Variants in CDC42BPA observed in about 807,000 individuals in gnomAD.
The protein encoded by CDC42BPA is CDC42 binding protein kinase alpha, also known as serine/threonine-protein kinase MRCK alpha.
Under a neutral mutation model 223.5 loss-of-function variants are expected in CDC42BPA, and 80 were observed. The observed-to-expected ratio is 0.36, with a 90% confidence interval of 0.30 to 0.43. CDC42BPA has a LOEUF of 0.43. Among genes scored for constraint, CDC42BPA ranks in the 20% least tolerant of loss-of-function variants. The pLI is 1.00. For synonymous variants in CDC42BPA, 694 were observed against 718.6 expected (o/e 0.97, Z 0.55); for missense variants, 1,743 against 2,099.9 (o/e 0.83, Z 3.32).
chr1:227,067,809 T>C (rs559060124), intron 21 of CDC42BPA, among the ~76,000 whole-genome samples: 3 of 152,206 alleles, frequency 2.0e-5, no homozygotes, highest in African/African-American at 7.2e-5. Context: ...ACAGAAAGAA[T>C]AAAACATTAA....
intron 5 of CDC42BPA, among the ~76,000 whole-genome samples, chr1:227,180,765 A>G (rs1667796235): frequency 6.6e-6 from 1 of 152,254 alleles, no homozygotes; most frequent in South Asian, 2.1e-4. Context: ...CGAACATAAC[A>G]TTCTAATCAG....
intron 21 of CDC42BPA, among the ~76,000 whole-genome samples, chr1:227,058,695 G>A (rs940969110): frequency 1.3e-5 from 2 of 152,016 alleles, no homozygotes; most frequent in Non-Finnish European, 2.9e-5. Context: ...ATTTCAAGTT[G>A]AGAAACACAG....
chr1:227,174,501 A>G (rs1448409970), intron 5 of CDC42BPA, among the ~76,000 whole-genome samples: 1 of 152,202 alleles, frequency 6.6e-6, no homozygotes, highest in East Asian at 1.9e-4. Flanking sequence ...ATAACAGATG[A>G]AAAACTCTCT....
intron 17 of CDC42BPA, among the ~76,000 whole-genome samples, chr1:227,079,528 G>A (rs1426693100): frequency 6.6e-6 from 1 of 152,042 alleles, no homozygotes; most frequent in Non-Finnish European, 1.5e-5. Context: ...CAAATATCAA[G>A]TCATAATTTT....
Position 226,993,009 on chromosome 1 carries a change from C to T in CDC42BPA, c.*1259G>A, listed in dbSNP as rs141866072. On this transcript the variant is annotated 3_prime_UTR_variant, in exon 37 of 37. Transcript: ENST00000366766. ...TAATATTTGGTTAAGGCTGTTGAAG[C>T]CCTTGCTTTTGAGGTTTTACATTAT... is the stretch of plus-strand genomic sequence containing the variant. 6.6e-6 allele frequency: 1 copy of T among 152,288 alleles called. No homozygotes were observed. Among genetic ancestry groups the T allele is most frequent in the African/African-American group, 2.4e-5 (1 of 41,540 alleles). 9.4% of individuals were successfully genotyped at this position (152,288 alleles called of 1,614,324 possible).
intron 3 of CDC42BPA, among the ~76,000 whole-genome samples, chr1:227,212,261 T>C (rs756456888): frequency 7.2e-5 from 11 of 152,314 alleles, no homozygotes; most frequent in Middle Eastern, 3.4e-3. Context: ...TCTGTCATCA[T>C]GGAAACACTT....
At chr1:227,222,519 C>G in intron 2 of CDC42BPA, among the ~76,000 whole-genome samples, 1 of 151,050 alleles carries the variant, frequency 6.6e-6, no homozygotes, top group Non-Finnish European at 1.5e-5. Context: ...ACAACAACAA[C>G]AAAAAAACTA....
chr1:227,236,269 A>C (rs924963606), intron 2 of CDC42BPA, among the ~76,000 whole-genome samples: 1 of 152,202 alleles, frequency 6.6e-6, no homozygotes, highest in Non-Finnish European at 1.5e-5. Context: ...AATTTGGGAG[A>C]AACCAGCTTT....
chr1:227,064,835 T>A (rs377523449), intron 21 of CDC42BPA, among the ~76,000 whole-genome samples: 1 of 152,228 alleles, frequency 6.6e-6, no homozygotes, highest in East Asian at 1.9e-4. Flanking sequence ...TGGTGGCTCA[T>A]GCCTGTAATC....
In CDC42BPA at chr1:227,298,848, TA is replaced by T. The variant is rs572549601; in HGVS notation, c.178+18156del. Among the ~76,000 whole-genome samples, 38 of 152,168 alleles carry T rather than the reference TA, an allele frequency of 2.5e-4. No homozygotes were observed. In the South Asian group the frequency reaches 6.8e-3, roughly 27 times the overall value. ...AATTATAAAGATAATTCAATATCCA[TA>T]AAAAAGGAAAATTAATCAAAACTAA... On this transcript the variant is annotated intron_variant, in intron 1 of 36. Transcript: ENST00000366766.
chr1:227,148,072 A>G (rs1212662876), intron 6 of CDC42BPA, among the ~76,000 whole-genome samples: 3 of 152,192 alleles, frequency 2.0e-5, no homozygotes, highest in African/African-American at 7.2e-5. Context: ...AAAAAACTAT[A>G]AAAGAAGAGG....
intron 10 of CDC42BPA, among the ~76,000 whole-genome samples, chr1:227,133,351 C>A (rs1657739795): frequency 6.6e-6 from 1 of 151,732 alleles, no homozygotes; most frequent in Non-Finnish European, 1.5e-5. Flanking sequence ...GGGCGGACAG[C>A]CCCCCGCCTG....
At chr1:227,183,026 G>A (rs1028579593) in intron 5 of CDC42BPA, 3 of 152,136 alleles carry the variant, frequency 2.0e-5, no homozygotes, top group African/African-American at 7.2e-5. Context: ...TTTCAAACTC[G>A]GACTGAGCCA....
chr1:227,115,977 T>C (rs1000852103), intron 12 of CDC42BPA, among the ~76,000 whole-genome samples: 1 of 152,162 alleles, frequency 6.6e-6, no homozygotes, highest in Non-Finnish European at 1.5e-5. Flanking sequence ...GCATGAAGTC[T>C]GGAGCTAAAC....
intron 32 of CDC42BPA, among the ~76,000 whole-genome samples, chr1:227,019,023 T>C (rs1369093415): frequency 2.0e-5 from 3 of 152,150 alleles, no homozygotes; most frequent in African/African-American, 4.8e-5. Context: ...TCAATAAAGT[T>C]TGCCACACTA....
At chr1:227,260,973 A>G (rs1683937317) in intron 1 of CDC42BPA, among the ~76,000 whole-genome samples, 1 of 151,090 alleles carries the variant, frequency 6.6e-6, no homozygotes, top group Non-Finnish European at 1.5e-5. Flanking sequence ...CTATACATTA[A>G]TGAGTTAAAA....
chr1:226,999,290 C>CCTCA (rs1662290259), intron 35 of CDC42BPA, among the ~76,000 whole-genome samples: 1 of 151,984 alleles, frequency 6.6e-6, no homozygotes, highest in Non-Finnish European at 1.5e-5. Context: ...CATTCTCCTG[C>CCTCA]CTCAGCCTCT....
At chr1:227,301,643 C>A (rs1162962834) in intron 1 of CDC42BPA, among the ~76,000 whole-genome samples, 1 of 152,186 alleles carries the variant, frequency 6.6e-6, no homozygotes, top group African/African-American at 2.4e-5. Context: ...CAGGCATGAG[C>A]CACTGTGCCC....
intron 1 of CDC42BPA, among the ~76,000 whole-genome samples, chr1:227,290,926 G>C (rs1005481305): frequency 1.3e-5 from 2 of 152,066 alleles, no homozygotes; most frequent in African/African-American, 2.4e-5. Flanking sequence ...ATAAACTGTA[G>C]GCCACAATGC....
Sources: gnomAD v4.1 joint callset for allele counts (sites outside exome capture counted in the v4.1 genomes callset) on GRCh38, gnomAD v4.1.1 for gene constraint, MANE v1.5 for transcripts, NCBI Gene and HGNC (gene_info 2026-07-23, HGNC 2026-07-21) for gene names.